The following TSHZ2 variants were observed in gnomAD, a reference collection of about 807,000 sequenced individuals.
TSHZ2 encodes the protein teashirt zinc finger homeobox 2.
TSHZ2 carries 21 observed loss-of-function variants against 74.4 expected under a neutral mutation model. The ratio of observed to expected loss-of-function variants is 0.28; its 90% CI spans 0.20 to 0.41. The LOEUF is 0.41. TSHZ2 is among the 10% of genes least tolerant of loss of function. The probability of loss-of-function intolerance (pLI) is 1.00; values close to 1 mark genes in which losing one functional copy is unlikely to be tolerated. For missense variants in TSHZ2, 1,244 were observed against 1,293.5 expected, an observed-to-expected ratio of 0.96 and a Z score of 0.59; for synonymous variants, 540 against 515.3, an observed-to-expected ratio of 1.05 and a Z score of -0.65.
chr20:53,275,582 A>T (rs907656864), intron 2 of TSHZ2, among the ~76,000 whole-genome samples: 2 of 152,164 alleles, frequency 1.3e-5, no homozygotes, highest in Non-Finnish European at 1.5e-5. Flanking sequence ...CTAAAATCTT[A>T]GTGGACCTGG....
intron 2 of TSHZ2, among the ~76,000 whole-genome samples, chr20:53,436,021 C>T (rs1371133492): frequency 6.6e-6 from 1 of 152,162 alleles, no homozygotes; most frequent in Non-Finnish European, 1.5e-5. Flanking sequence ...ACAAGTGCTC[C>T]GTCAATTTTT....
At chr20:53,404,677 G>T (rs553248690) in intron 2 of TSHZ2, among the ~76,000 whole-genome samples, 1 of 152,202 alleles carries the variant, frequency 6.6e-6, no homozygotes, top group South Asian at 2.1e-4. Flanking sequence ...AATATGCAAC[G>T]TTCTCACACA....
At chr20:53,132,791 G>A (rs1181034166) in intron 1 of TSHZ2, among the ~76,000 whole-genome samples, 1 of 152,072 alleles carries the variant, frequency 6.6e-6, no homozygotes, top group Non-Finnish European at 1.5e-5. Context: ...AATTACCTGT[G>A]TACAGAATCC....
intron 2 of TSHZ2, among the ~76,000 whole-genome samples, chr20:53,469,597 G>A (rs1415997497): frequency 1.9e-5 from 1 of 53,462 alleles, no homozygotes; most frequent in African/African-American, 7.5e-5. Flanking sequence ...AGGAAGGAAG[G>A]ACCCAAGAAA....
chr20:53,088,163 C>T (rs1388448612), intron 1 of TSHZ2, among the ~76,000 whole-genome samples: 2 of 152,150 alleles, frequency 1.3e-5, no homozygotes, highest in African/African-American at 4.8e-5. Context: ...TCCTACTGAA[C>T]AGAGAGCTTC....
intron 1 of TSHZ2, among the ~76,000 whole-genome samples, chr20:53,211,509 TA>T (rs5841934): frequency 0.082 from 11,594 of 140,714 alleles, 1,028 homozygotes; most frequent in African/African-American, 0.22. Flanking sequence ...TTGCCTGAAA[TA>T]AAAAAAAAAA....
At chr20:53,382,209 G>C (rs1253318138) in intron 2 of TSHZ2, among the ~76,000 whole-genome samples, 1 of 152,062 alleles carries the variant, frequency 6.6e-6, no homozygotes, top group East Asian at 1.9e-4. Flanking sequence ...TTACTCTCTT[G>C]TGCTCCTAAG....
chr20:53,258,780 G>T (rs34299013), intron 2 of TSHZ2, among the ~76,000 whole-genome samples: 1 of 152,160 alleles, frequency 6.6e-6, no homozygotes, highest in African/African-American at 2.4e-5. Context: ...CGAAAGCACC[G>T]TATTGGTGTT....
intron 2 of TSHZ2, among the ~76,000 whole-genome samples, chr20:53,426,165 G>A (rs77936907): frequency 6.6e-6 from 1 of 152,068 alleles, no homozygotes; most frequent in Non-Finnish European, 1.5e-5. Flanking sequence ...GGTTGTTTAC[G>A]GTAGGAAGTA....
chr20:53,084,907 T>C (rs1192760782), intron 1 of TSHZ2, among the ~76,000 whole-genome samples: 1 of 152,112 alleles, frequency 6.6e-6, no homozygotes, highest in Non-Finnish European at 1.5e-5. Context: ...TTTTTCTGTG[T>C]AGACATTAAT....
intron 2 of TSHZ2, among the ~76,000 whole-genome samples, chr20:53,415,799 T>TAC (rs879670879): frequency 4.1e-5 from 6 of 145,368 alleles, no homozygotes; most frequent in East Asian, 4.0e-4. Flanking sequence ...TGTGTAGATA[T>TAC]ACACACACAC....
intron 2 of TSHZ2, among the ~76,000 whole-genome samples, chr20:53,282,988 G>A (rs149215002): frequency 6.6e-6 from 1 of 152,256 alleles, no homozygotes; most frequent in Non-Finnish European, 1.5e-5. Flanking sequence ...TGACTTGCTG[G>A]TTCAATCAAC....
chr20:53,209,968 G>T (rs1439652413), intron 1 of TSHZ2, among the ~76,000 whole-genome samples: 1 of 152,248 alleles, frequency 6.6e-6, no homozygotes, highest in African/African-American at 2.4e-5. Context: ...AAAGGAAGAA[G>T]ATGGCCCCCT....
At chr20:53,283,562 A>G (rs1991105133) in intron 2 of TSHZ2, among the ~76,000 whole-genome samples, 1 of 152,214 alleles carries the variant, frequency 6.6e-6, no homozygotes, top group African/African-American at 2.4e-5. Flanking sequence ...GCAGAGTTAT[A>G]ATTTTTTAAT....
At chr20:53,240,633 A>C (rs1316231884) in intron 1 of TSHZ2, among the ~76,000 whole-genome samples, 1 of 152,060 alleles carries the variant, frequency 6.6e-6, no homozygotes, top group East Asian at 1.9e-4. Flanking sequence ...TGTTTTTGGT[A>C]ATTTCTCCAA....
chr20:53,013,137 T>A (rs1027286372), intron 1 of TSHZ2, among the ~76,000 whole-genome samples: 1 of 152,168 alleles, frequency 6.6e-6, no homozygotes, highest in Non-Finnish European at 1.5e-5. Flanking sequence ...TATTTATAGA[T>A]CACTTCAGAT....
At chr20:53,032,707 C>T (rs577139469) in intron 1 of TSHZ2, among the ~76,000 whole-genome samples, 3 of 151,292 alleles carry the variant, frequency 2.0e-5, no homozygotes, top group South Asian at 2.1e-4. Context: ...GATGAGGAGG[C>T]GTAAAGATTT....
chr20:53,216,087 G>T (rs1167476835), intron 1 of TSHZ2, among the ~76,000 whole-genome samples: 1 of 152,086 alleles, frequency 6.6e-6, no homozygotes, highest in African/African-American at 2.4e-5. Context: ...ATATCTGGAG[G>T]ACAGAAAGGC....
At chr20:53,050,045 C>T (rs920129195) in intron 1 of TSHZ2, among the ~76,000 whole-genome samples, 1 of 146,452 alleles carries the variant, frequency 6.8e-6, no homozygotes, top group South Asian at 2.2e-4. Flanking sequence ...TGTGCCACTG[C>T]ACTCTAGCCT....
Sources: allele counts gnomAD v4.1 joint callset (sites outside exome capture counted in the v4.1 genomes callset), GRCh38; gene constraint gnomAD v4.1.1; transcripts MANE v1.5; gene names NCBI Gene and HGNC (gene_info 2026-07-23, HGNC 2026-07-21).